The following CNTNAP2 variants were observed in gnomAD, a reference collection of about 807,000 sequenced individuals.
The protein encoded by CNTNAP2 is contactin associated protein 2, also known as contactin-associated protein-like 2.
Under a neutral mutation model 155.2 loss-of-function variants are expected in CNTNAP2, and 98 were observed. The observed-to-expected ratio is 0.63, with a 90% CI of 0.54 to 0.75. The LOEUF is 0.75. Ranked by LOEUF, CNTNAP2 falls within the 30% of genes least tolerant of loss-of-function variation. The pLI, the probability that CNTNAP2 is intolerant of heterozygous loss-of-function variation, is 0.00. For synonymous variants in CNTNAP2, 651 were observed against 631.2 expected, an observed-to-expected ratio of 1.03 and a Z score of -0.47; for missense variants, 1,727 against 1,688.1, an observed-to-expected ratio of 1.02 and a Z score of -0.40.
At chr7:147,247,123 A>G (rs1804085905) in intron 8 of CNTNAP2, among the ~76,000 whole-genome samples, 1 of 152,230 alleles carries the variant, frequency 6.6e-6, no homozygotes, top group African/African-American at 2.4e-5. Flanking sequence ...TTTGAAATCA[A>G]TAATCCAGCT....
intron 12 of CNTNAP2, among the ~76,000 whole-genome samples, chr7:147,614,197 A>G (rs1373902828): frequency 1.3e-5 from 2 of 152,148 alleles, no homozygotes; most frequent in Non-Finnish European, 2.9e-5. Flanking sequence ...CTATTCTTAG[A>G]CCTTGGCTCT....
intron 4 of CNTNAP2, among the ~76,000 whole-genome samples, chr7:147,093,240 C>CAAAAA (rs530286124): frequency 3.7e-4 from 20 of 54,226 alleles, no homozygotes; most frequent in South Asian, 7.1e-4. Flanking sequence ...GACTCCATCT[C>CAAAAA]AAAAAAAAAA....
chr7:146,582,316 A>G (rs1798624094), intron 1 of CNTNAP2, among the ~76,000 whole-genome samples: 1 of 152,178 alleles, frequency 6.6e-6, no homozygotes, highest in South Asian at 2.1e-4. Flanking sequence ...ATATTACACA[A>G]AAACAACTGG....
chr7:146,550,742 A>G (rs1317952059), intron 1 of CNTNAP2, among the ~76,000 whole-genome samples: 1 of 152,040 alleles, frequency 6.6e-6, no homozygotes, highest in Non-Finnish European at 1.5e-5. Context: ...TCTGTTTGCA[A>G]TGATCAGCAT....
chr7:148,180,465 G>A (rs939045104), intron 18 of CNTNAP2, among the ~76,000 whole-genome samples: 4 of 151,920 alleles, frequency 2.6e-5, no homozygotes, highest in Non-Finnish European at 5.9e-5. Context: ...GTTCCATAGG[G>A]AGCAGGTCTA....
chr7:146,729,445 C>T (rs980494518), intron 1 of CNTNAP2, among the ~76,000 whole-genome samples: 1 of 151,484 alleles, frequency 6.6e-6, no homozygotes, highest in Non-Finnish European at 1.5e-5. Flanking sequence ...CAGTGCTAAA[C>T]TATTTGTATT....
intron 1 of CNTNAP2, among the ~76,000 whole-genome samples, chr7:146,293,788 C>T (rs967298758): frequency 6.6e-6 from 1 of 152,072 alleles, no homozygotes; most frequent in Non-Finnish European, 1.5e-5. Context: ...TATTAATATA[C>T]TCTCAAAAAC....
chr7:148,381,962 G>C (rs887777872), intron 21 of CNTNAP2, among the ~76,000 whole-genome samples: 6 of 152,202 alleles, frequency 3.9e-5, no homozygotes, highest in Admixed American at 3.3e-4. Context: ...TGGAAGTACT[G>C]GTTCTGTTCT....
chr7:146,608,955 T>A (rs1258402065), intron 1 of CNTNAP2, among the ~76,000 whole-genome samples: 1 of 152,134 alleles, frequency 6.6e-6, no homozygotes, highest in South Asian at 2.1e-4. Flanking sequence ...ATAAATAAAA[T>A]TATTTCCAAG....
At chr7:147,402,078 C>A (rs1796925351) in intron 10 of CNTNAP2, among the ~76,000 whole-genome samples, 1 of 152,284 alleles carries the variant, frequency 6.6e-6, no homozygotes, top group Non-Finnish European at 1.5e-5. Flanking sequence ...TAGTCAGTAG[C>A]AGAAAAGATA....
chr7:147,221,221 T>C, intron 8 of CNTNAP2, among the ~76,000 whole-genome samples: 1 of 152,332 alleles, frequency 6.6e-6, no homozygotes, highest in African/African-American at 2.4e-5. Flanking sequence ...TACACACACA[T>C]ACACAATATA....
At chr7:146,790,048 TTTG>T (rs1426952908) in intron 2 of CNTNAP2, among the ~76,000 whole-genome samples, 3 of 152,028 alleles carry the variant, frequency 2.0e-5, no homozygotes, top group Non-Finnish European at 2.9e-5. Flanking sequence ...TGCCTTTCAT[TTTG>T]TTGTTGTTTA....
At chr7:147,194,725 A>G (rs1412865836) in intron 8 of CNTNAP2, among the ~76,000 whole-genome samples, 2 of 152,066 alleles carry the variant, frequency 1.3e-5, no homozygotes, top group African/African-American at 4.8e-5. Context: ...AATGTGTTTG[A>G]GAAGTGTCTG....
At chr7:146,654,165 G>C (rs550819949) in intron 1 of CNTNAP2, among the ~76,000 whole-genome samples, 3 of 151,942 alleles carry the variant, frequency 2.0e-5, no homozygotes, top group Non-Finnish European at 1.5e-5. Context: ...TGATGGACAC[G>C]ATGTCCTTGC....
rs80076560 is a variant in CNTNAP2 at position 148,325,867 on chromosome 7, C to T, written c.3476-57782C>T. On this transcript the variant is annotated intron_variant, in intron 21 of 23. Coordinates refer to ENST00000361727, the MANE Select transcript of CNTNAP2 (RefSeq NM_014141.6). ...TATTTCCTTCCCCAGGCCCAAGGAG[C>T]ACAGCGTGGAAGGGGAAAGAGAGAG... Among the ~76,000 whole-genome samples, 1,146 of 152,250 alleles carry T rather than the reference C, an allele frequency of 7.5e-3. 18 individuals are homozygous for T. The highest frequency in any genetic ancestry group is 0.026 in the African/African-American group (1,076 of 41,538).
At chr7:147,740,343 C>T (rs1171454202) in intron 13 of CNTNAP2, among the ~76,000 whole-genome samples, 1 of 152,058 alleles carries the variant, frequency 6.6e-6, no homozygotes, top group Non-Finnish European at 1.5e-5. Context: ...TGGAATTGGG[C>T]CCCCAAAAAT....
At chr7:146,361,755 T>A (rs1439947978) in intron 1 of CNTNAP2, among the ~76,000 whole-genome samples, 1 of 152,084 alleles carries the variant, frequency 6.6e-6, no homozygotes, top group Non-Finnish European at 1.5e-5. Context: ...TGTCATACAA[T>A]AGTCACGATT....
Position 147,872,051 on chromosome 7 carries a change from G to C in CNTNAP2, c.2099-31514G>C, listed in dbSNP as rs115369676. ...AAAGCCAGTGGCAGAGCCAGAAAGA[G>C]AATCTACTCCTCCTTGGCCCACCCT... is the stretch of plus-strand genomic sequence containing the variant. On this transcript the variant is annotated intron_variant, in intron 13 of 23. Coordinates refer to ENST00000361727, the MANE Select transcript of CNTNAP2 (RefSeq NM_014141.6). Among the ~76,000 whole-genome samples, 1,480 of 152,296 alleles carry C rather than the reference G, an allele frequency of 9.7e-3. 30 individuals carry two copies. Among genetic ancestry groups the C allele is most frequent in the African/African-American group, 0.034 (1,397 of 41,552 alleles).
At chr7:147,173,147 G>A (rs571878980) in intron 8 of CNTNAP2, among the ~76,000 whole-genome samples, 3 of 152,240 alleles carry the variant, frequency 2.0e-5, no homozygotes, top group African/African-American at 7.2e-5. Flanking sequence ...TGGTATTAAA[G>A]TCTGCACTTT....
Sources: allele counts gnomAD v4.1 joint callset (sites outside exome capture counted in the v4.1 genomes callset), GRCh38; gene constraint gnomAD v4.1.1; transcripts MANE v1.5; gene names NCBI Gene and HGNC (gene_info 2026-07-23, HGNC 2026-07-21).